The following CD38 variants were observed in gnomAD, a reference collection of about 807,000 sequenced individuals.
CD38 encodes CD38 molecule, also known as ADP-ribosyl cyclase/cyclic ADP-ribose hydrolase 1.
Under a neutral mutation model 36.3 loss-of-function variants are expected in CD38, and 31 were observed. The ratio of observed to expected loss-of-function variants is 0.85; its 90% CI spans 0.64 to 1.15. The LOEUF (loss-of-function observed/expected upper bound fraction) is 1.15, where lower values mean the gene tolerates loss of function less well. Among genes scored for constraint, CD38 ranks in the 50% most tolerant of loss-of-function variants. CD38 has a pLI of 0.00. For missense variants in CD38, 380 were observed against 371.9 expected (o/e 1.02, Z -0.18); for synonymous variants, 131 against 135.2 (o/e 0.97, Z 0.22).
rs1441796618 is a variant in CD38 at position 15,848,769 on chromosome 4, A to G, written c.*167A>G. On this transcript the variant is annotated 3_prime_UTR_variant, in exon 8 of 8. Coordinates refer to ENST00000226279, the MANE Select transcript of CD38 (RefSeq NM_001775.4). ...TCCCCAAAGTCTTAAAATAACTTAT[A>G]TCATCAGCATACCTTTATTGTGATC... 3.8e-6 allele frequency: 2 copies of G among 532,324 alleles called. No homozygotes were observed. The highest frequency in any genetic ancestry group is 6.8e-6 in the Non-Finnish European group (2 of 293,094). 33.0% of individuals were successfully genotyped at this position (532,324 alleles called of 1,614,324 possible).
chr4:15,822,310 C>T (rs1412570923), intron 2 of CD38, among the ~76,000 whole-genome samples: 2 of 152,146 alleles, frequency 1.3e-5, no homozygotes, highest in Non-Finnish European at 2.9e-5. Flanking sequence ...TCTCACCACT[C>T]CTATTCAACA....
chr4:15,799,983 A>G (rs1036087831), intron 1 of CD38, among the ~76,000 whole-genome samples: 2 of 152,160 alleles, frequency 1.3e-5, no homozygotes, highest in African/African-American at 4.8e-5. Flanking sequence ...TTTTCCCTTC[A>G]GGTGCACTAA....
At chr4:15,832,690 T>C (rs1001416350) in intron 3 of CD38, among the ~76,000 whole-genome samples, 1 of 152,190 alleles carries the variant, frequency 6.6e-6, no homozygotes, top group Non-Finnish European at 1.5e-5. Flanking sequence ...TTGAAGCCAG[T>C]ACAGCACTTG....
intron 1 of CD38, among the ~76,000 whole-genome samples, chr4:15,799,771 T>G (rs1034854872): frequency 2.6e-5 from 4 of 152,222 alleles, no homozygotes; most frequent in Admixed American, 2.0e-4. Context: ...CACTTTAAGT[T>G]CCAGCTCCAT....
At chr4:15,787,881 T>A (rs1303612462) in intron 1 of CD38, among the ~76,000 whole-genome samples, 4 of 152,208 alleles carry the variant, frequency 2.6e-5, no homozygotes, top group Non-Finnish European at 5.9e-5. Context: ...AACATTGTTG[T>A]TCCGCCGTGC....
At chr4:15,798,742 G>A (rs1404382692) in intron 1 of CD38, among the ~76,000 whole-genome samples, 3 of 152,004 alleles carry the variant, frequency 2.0e-5, no homozygotes, top group Non-Finnish European at 4.4e-5. Context: ...GTCATCATTC[G>A]GAATTCTCAA....
chr4:15,800,754 T>C (rs879400758), intron 1 of CD38, among the ~76,000 whole-genome samples: 10 of 151,968 alleles, frequency 6.6e-5, no homozygotes, highest in Non-Finnish European at 1.0e-4. Flanking sequence ...CAAATAAAAA[T>C]TGATACACAA....
At chr4:15,805,115 A>G (rs1295041938) in intron 1 of CD38, among the ~76,000 whole-genome samples, 3 of 152,228 alleles carry the variant, frequency 2.0e-5, no homozygotes, top group Non-Finnish European at 2.9e-5. Context: ...GGAAGCTTAT[A>G]TATTCTGAAA....
At chr4:15,831,240 G>A (rs569959734) in intron 3 of CD38, among the ~76,000 whole-genome samples, 1 of 152,176 alleles carries the variant, frequency 6.6e-6, no homozygotes, top group East Asian at 1.9e-4. Flanking sequence ...TATATGTCTT[G>A]AAAAGTTATT....
At position 15,848,559 on chromosome 4, in the gene CD38, G is replaced by T. The variant is rs1383727012; in HGVS notation, c.860G>T (p.Cys287Phe). ...NIYRPDKFLQ[C>F]VKNPEDSSCT... ...CATAGACCTGACAAGTTTCTTCAGT[G>T]TGTGAAAAATCCTGAGGATTCATCT... The change falls in exon 8 of 8, where the codon TGT becomes TTT. Residue 287 changes from cysteine (C) to phenylalanine (F), a missense_variant. By Grantham distance (205) the Cys-to-Phe change is radical (BLOSUM62 -2). Coordinates refer to ENST00000226279, the MANE Select transcript of CD38 (RefSeq NM_001775.4). 2.5e-6 allele frequency: 4 copies of T among 1,613,742 alleles called. No individual in the cohort carries two copies. The highest frequency in any genetic ancestry group is 3.4e-6 in the Non-Finnish European group (4 of 1,179,810).
intron 1 of CD38, among the ~76,000 whole-genome samples, chr4:15,811,588 G>GT (rs1425698068): frequency 6.6e-6 from 1 of 151,992 alleles, no homozygotes; most frequent in African/African-American, 2.4e-5. Context: ...GATGGTAACT[G>GT]TAAGACTTTA....
intron 1 of CD38, among the ~76,000 whole-genome samples, chr4:15,786,635 A>C (rs1722838076): frequency 6.6e-6 from 1 of 152,220 alleles, no homozygotes. Flanking sequence ...AATGTTCTCC[A>C]AGTCCCCACT....
intron 3 of CD38, among the ~76,000 whole-genome samples, chr4:15,834,011 C>G (rs1404854017): frequency 1.3e-5 from 2 of 152,192 alleles, no homozygotes; most frequent in African/African-American, 2.4e-5. Flanking sequence ...GTGTTCCCAT[C>G]TGGGATTTGG....
intron 1 of CD38, among the ~76,000 whole-genome samples, chr4:15,807,747 G>A (rs925350220): frequency 1.4e-4 from 22 of 152,210 alleles, no homozygotes; most frequent in Admixed American, 3.9e-4. Context: ...GCTCTATGCA[G>A]ATAGACTGAA....
chr4:15,830,990 A>T (rs541649620), intron 3 of CD38, among the ~76,000 whole-genome samples: 2 of 151,102 alleles, frequency 1.3e-5, no homozygotes, highest in South Asian at 4.2e-4. Context: ...AGTGGAGGTG[A>T]TTTTTTCAGT....
At chr4:15,804,028 C>T (rs1723285770) in intron 1 of CD38, among the ~76,000 whole-genome samples, 1 of 152,114 alleles carries the variant, frequency 6.6e-6, no homozygotes, top group African/African-American at 2.4e-5. Flanking sequence ...TGTATACATA[C>T]CACCACATTT....
At chr4:15,811,673 A>G (rs1279705266) in intron 1 of CD38, among the ~76,000 whole-genome samples, 6 of 58,010 alleles carry the variant, frequency 1.0e-4, no homozygotes, top group African/African-American at 8.3e-4. Flanking sequence ...CCTGACAGAT[A>G]GGGAAGCCAA....
At chr4:15,833,001 GCCA>G (rs1723989864) in intron 3 of CD38, among the ~76,000 whole-genome samples, 1 of 152,146 alleles carries the variant, frequency 6.6e-6, no homozygotes, top group Non-Finnish European at 1.5e-5. Context: ...TCACCTCATG[GCCA>G]CCACCACCAC....
chr4:15,814,038 T>C (rs1007321611), intron 1 of CD38, among the ~76,000 whole-genome samples: 2 of 152,192 alleles, frequency 1.3e-5, no homozygotes, highest in African/African-American at 4.8e-5. Context: ...TCTTCCACAG[T>C]GGTTGAACTA....
Sources: allele counts gnomAD v4.1 joint callset (sites outside exome capture counted in the v4.1 genomes callset), GRCh38; gene constraint gnomAD v4.1.1; transcripts MANE v1.5; gene names NCBI Gene and HGNC (gene_info 2026-07-23, HGNC 2026-07-21).